USP30: variants seen among roughly 807,000 people sequenced by gnomAD.
The protein encoded by USP30 is ubiquitin carboxyl-terminal hydrolase 30.
In USP30, 41 loss-of-function variants were observed where a neutral mutation model predicts 68.2. The ratio of observed to expected loss-of-function variants is 0.60; its 90% CI spans 0.47 to 0.78. The LOEUF (loss-of-function observed/expected upper bound fraction) is 0.78, where lower values mean the gene tolerates loss of function less well. Among genes scored for constraint, USP30 ranks in the 30% least tolerant of loss-of-function variants. The pLI, the probability that USP30 is intolerant of heterozygous loss-of-function variation, is 0.00. For synonymous variants in USP30, 229 were observed against 253.7 expected (o/e 0.90, Z 0.93); for missense variants, 522 against 649.4 (o/e 0.80, Z 2.13).
At chr12:109,057,228 T>C (rs971746925) in intron 2 of USP30, among the ~76,000 whole-genome samples, 2 of 151,966 alleles carry the variant, frequency 1.3e-5, no homozygotes, top group African/African-American at 4.8e-5. Context: ...CTTTTGAAAG[T>C]GTGGCTCTAT....
intron 9 of USP30, chr12:109,082,436 A>G (rs903402644): frequency 4.9e-5 from 28 of 575,014 alleles, no homozygotes; most frequent in Non-Finnish European, 5.2e-5. Context: ...CCAGTGTCAG[A>G]GCATCAGTGT....
intron 1 of USP30, among the ~76,000 whole-genome samples, chr12:109,056,416 C>T (rs1165684128): frequency 6.6e-6 from 1 of 152,168 alleles, no homozygotes; most frequent in Non-Finnish European, 1.5e-5. Flanking sequence ...TGATCTCAAA[C>T]TCTGGGGTTC....
chr12:109,059,181 C>A (rs2040978086), intron 3 of USP30, among the ~76,000 whole-genome samples: 1 of 152,082 alleles, frequency 6.6e-6, no homozygotes, highest in Admixed American at 6.6e-5. Context: ...TAAGAAATAA[C>A]CTACCCAACT....
At chr12:109,052,788 G>T in intron 1 of USP30, 27 bp downstream of exon 1, 1 of 1,437,556 alleles carries the variant, frequency 7.0e-7, no homozygotes. Context: ...CGGGGCTGCC[G>T]AAGAGGCCGG....
In USP30 at chr12:109,081,757, A is replaced by G. The variant is rs1372061071; in HGVS notation, c.781-176A>G. On this transcript the variant is annotated intron_variant, in intron 8 of 12. Coordinates refer to ENST00000257548, the MANE Select transcript of USP30 (RefSeq NM_032663.5). ...TCATGCTCTAGAATCTGTCCGTAGT[A>G]GCAGTCTAGGGTGCTTTGAGCCCCA... 7.3e-5 allele frequency: 47 copies of G among 646,622 alleles called. No individual in the cohort carries two copies. The East Asian group carries it at 1.2e-3, about 17-fold the overall frequency. 40.1% of individuals were successfully genotyped at this position (646,622 alleles called of 1,614,324 possible). A position where few individuals can be genotyped will look rare whatever the true frequency, so the allele number is the denominator to read the frequency against.
chr12:109,085,429 T>G (rs2041918687), intron 12 of USP30, among the ~76,000 whole-genome samples: 1 of 152,164 alleles, frequency 6.6e-6, no homozygotes, highest in South Asian at 2.1e-4. Context: ...ATAGTGTACA[T>G]AAACACATAC....
rs766072201 is a variant in USP30, at chr12:109,067,556, G to A, written c.409G>A (p.Val137Ile). 1 of 1,614,108 alleles carries A rather than the reference G, an allele frequency of 6.2e-7. No homozygotes were observed. Among genetic ancestry groups the A allele is most frequent in the Non-Finnish European group, 8.5e-7 (1 of 1,180,016 alleles). Residue 137 changes from valine to isoleucine, a missense_variant, in exon 4 of 13, where the codon GTC becomes ATC. By Grantham distance (29) the Val-to-Ile change is conservative. Transcript: ENST00000257548. ...CTGCCAAGAAGTTACTGATGATGAG[G>A]TCTTAGATGCAAGCTGCTTGTTGGA... ...LSCQEVTDDE[V>I]LDASCLLDVL... is the part of the protein sequence containing the mutation.
upstream of USP30, among the ~76,000 whole-genome samples, chr12:109,051,209 G>A (rs891426345): frequency 6.7e-6 from 1 of 148,540 alleles, no homozygotes; most frequent in East Asian, 2.0e-4. Flanking sequence ...AACATATTGG[G>A]TCAAGGAAAA....
chr12:109,058,193 C>A, intron 3 of USP30, 85 bp downstream of exon 3: 1 of 1,349,230 alleles, frequency 7.4e-7, no homozygotes, highest in Non-Finnish European at 1.0e-6. Flanking sequence ...AGAGTTAATA[C>A]CTTATTGTAG....
chr12:109,036,531 G>C (rs1229764646), intron 3 of USP30, among the ~76,000 whole-genome samples: 1 of 151,954 alleles, frequency 6.6e-6, no homozygotes, highest in Non-Finnish European at 1.5e-5. Flanking sequence ...CTCCAGACCT[G>C]AGGTGATCCA....
At chr12:109,085,183 T>G in intron 12 of USP30, 110 bp downstream of exon 12, 1 of 1,212,044 alleles carries the variant, frequency 8.3e-7, no homozygotes, top group African/African-American at 1.6e-5. Flanking sequence ...ATTTTTCATT[T>G]TAAGGTGAAG....
chr12:109,052,870 G>A, intron 1 of USP30, 109 bp downstream of exon 1: 3 of 1,176,024 alleles, frequency 2.6e-6, no homozygotes, highest in South Asian at 2.1e-5. Context: ...GCCCGCGCGG[G>A]CATTCTGGAA....
At chr12:109,075,500 G>A (rs1173133960) in intron 7 of USP30, among the ~76,000 whole-genome samples, 11 of 152,190 alleles carry the variant, frequency 7.2e-5, no homozygotes, top group South Asian at 4.2e-4. Context: ...ACAGGCACCC[G>A]CCAACACACC....
chr12:109,032,396 T>C (rs1400927449), intron 3 of USP30, among the ~76,000 whole-genome samples: 1 of 152,242 alleles, frequency 6.6e-6, no homozygotes, highest in Non-Finnish European at 1.5e-5. Flanking sequence ...GTCAAATGTT[T>C]ATCAAATGAT....
At chr12:109,044,331 C>A (rs553611600) in intron 3 of USP30, among the ~76,000 whole-genome samples, 1 of 152,294 alleles carries the variant, frequency 6.6e-6, no homozygotes, top group East Asian at 1.9e-4. Context: ...TTCAATACCA[C>A]TGAACTGCAC....
intron 3 of USP30, among the ~76,000 whole-genome samples, chr12:109,046,092 C>CTTTTT (rs34629352): frequency 2.1e-5 from 1 of 46,736 alleles, no homozygotes; most frequent in Non-Finnish European, 4.3e-5. Context: ...GGAAGTCAGT[C>CTTTTT]TTTTTTTTTT....
At chr12:109,038,055 G>T (rs1012959771) in intron 3 of USP30, among the ~76,000 whole-genome samples, 12 of 151,782 alleles carry the variant, frequency 7.9e-5, no homozygotes. Context: ...TGCAGGATAT[G>T]CAGGTTTGTT....
intron 3 of USP30, among the ~76,000 whole-genome samples, chr12:109,031,200 C>T (rs1024922726): frequency 6.6e-6 from 1 of 152,132 alleles, no homozygotes; most frequent in South Asian, 2.1e-4. Context: ...AATGTGACTA[C>T]ACGCATTGGA....
At chr12:109,051,168 C>A (rs907445211), upstream of USP30, among the ~76,000 whole-genome samples, 2 of 144,722 alleles carry the variant, frequency 1.4e-5, no homozygotes, top group Admixed American at 6.9e-5. Flanking sequence ...GGATTATAGG[C>A]ATAAGCCACT....
Sources: allele counts gnomAD v4.1 joint callset (sites outside exome capture counted in the v4.1 genomes callset), GRCh38; gene constraint gnomAD v4.1.1; transcripts MANE v1.5; gene names NCBI Gene and HGNC (gene_info 2026-07-23, HGNC 2026-07-21).